Variants in BICC1 observed in about 807,000 individuals in gnomAD.
The protein encoded by BICC1 is protein bicaudal C homolog 1.
BICC1 carries 43 observed loss-of-function variants against 111.0 expected under a neutral mutation model. That is an observed-to-expected ratio of 0.39 (90% confidence interval 0.30 to 0.50). The LOEUF (loss-of-function observed/expected upper bound fraction) is 0.50. Ranked by LOEUF, BICC1 falls within the 20% of genes least tolerant of loss-of-function variation. The pLI is 0.88. For synonymous variants in BICC1, 467 were observed against 434.4 expected (o/e 1.07, Z -0.93); for missense variants, 1,091 against 1,203.2 (o/e 0.91, Z 1.38).
chr10:58,588,745 A>G (rs182298011), intron 1 of BICC1, among the ~76,000 whole-genome samples: 2 of 152,312 alleles, frequency 1.3e-5, no homozygotes, highest in African/African-American at 4.8e-5. Flanking sequence ...TGCTTTGAGT[A>G]TACAAAAATA....
intron 2 of BICC1, among the ~76,000 whole-genome samples, chr10:58,684,774 A>G (rs1443992539): frequency 6.6e-6 from 1 of 151,780 alleles, no homozygotes; most frequent in Non-Finnish European, 1.5e-5. Context: ...CTTCTTTATT[A>G]GTCTTGCCTA....
chr10:58,774,603 A>G (rs1055415843), intron 3 of BICC1, among the ~76,000 whole-genome samples: 1 of 152,184 alleles, frequency 6.6e-6, no homozygotes, highest in Non-Finnish European at 1.5e-5. Flanking sequence ...ATCACTATTA[A>G]TTTGGTTTTC....
At chr10:58,521,442 A>T (rs921308999) in intron 1 of BICC1, among the ~76,000 whole-genome samples, 2 of 152,112 alleles carry the variant, frequency 1.3e-5, no homozygotes, top group East Asian at 3.9e-4. Context: ...TATTATTCTC[A>T]TAGGAAAAAC....
Position 58,828,912 on chromosome 10 carries a change from C to A in BICC1, c.*21C>A. ...GGTAGCAGCACCCTCTTGGCACATG[C>A]CCGCTGACTAACTGTAAAGTGGACA... On this transcript the variant is annotated 3_prime_UTR_variant, in exon 21 of 21. Transcript: ENST00000373886. 6.2e-7 allele frequency: 1 copy of A among 1,612,914 alleles called. No individual in the cohort carries two copies. The highest frequency in any genetic ancestry group is 1.3e-5 in the African/African-American group (1 of 75,000).
At chr10:58,589,230 TC>T (rs1275394313) in intron 1 of BICC1, among the ~76,000 whole-genome samples, 3 of 152,010 alleles carry the variant, frequency 2.0e-5, no homozygotes, top group African/African-American at 7.3e-5. Context: ...CTTTCTCACC[TC>T]CCTACCAGCG....
chr10:58,798,411 C>A lies in BICC1; in HGVS notation c.1379C>A (p.Pro460His). Residue 460 changes from proline to histidine, a missense_variant, in exon 11 of 21, where the codon CCC (proline) becomes CAC (histidine). Around this residue, in one of 3 missense-constraint regions of BICC1, gnomAD observed 843 missense variants for 900.8 expected, o/e 0.94. Transcript: ENST00000373886. ...TCATTTATTACAGGTCTTTTGGGAC[C>A]CACCACCTTATCTCTGAACACTTCA... ...LGLTGLGLLG[P>H]TTLSLNTSTT... is the part of the protein sequence containing the mutation. 6.3e-7 allele frequency: 1 copy of A among 1,580,684 alleles called. No homozygotes were observed. The highest frequency in any genetic ancestry group is 8.6e-7 in the Non-Finnish European group (1 of 1,165,870).
At chr10:58,722,048 T>G (rs1840955204) in intron 3 of BICC1, among the ~76,000 whole-genome samples, 1 of 152,214 alleles carries the variant, frequency 6.6e-6, no homozygotes, top group Admixed American at 6.5e-5. Flanking sequence ...CTTTAGAATT[T>G]CATTCTTTTC....
intron 15 of BICC1, among the ~76,000 whole-genome samples, chr10:58,803,806 T>G (rs115684417): frequency 6.6e-6 from 1 of 152,232 alleles, no homozygotes; most frequent in Non-Finnish European, 1.5e-5. Context: ...GAACTTTCTG[T>G]GTTTCCATTT....
At chr10:58,814,946 AAT>A (rs1328579463) in intron 18 of BICC1, among the ~76,000 whole-genome samples, 1 of 152,184 alleles carries the variant, frequency 6.6e-6, no homozygotes, top group Non-Finnish European at 1.5e-5. Flanking sequence ...AACAGGAAAA[AAT>A]TAACTTATTA....
At chr10:58,577,273 G>A (rs1192730150) in intron 1 of BICC1, among the ~76,000 whole-genome samples, 1 of 152,174 alleles carries the variant, frequency 6.6e-6, no homozygotes, top group Admixed American at 6.5e-5. Context: ...GCTCACAGGG[G>A]TAAAGTATTT....
At chr10:58,777,263 A>C (rs1842772994) in intron 3 of BICC1, among the ~76,000 whole-genome samples, 1 of 152,014 alleles carries the variant, frequency 6.6e-6, no homozygotes, top group South Asian at 2.1e-4. Context: ...CTTAACACAA[A>C]CTGGCATATG....
chr10:58,637,804 A>C (rs2132198812), intron 2 of BICC1, among the ~76,000 whole-genome samples: 1 of 152,330 alleles, frequency 6.6e-6, no homozygotes, highest in African/African-American at 2.4e-5. Flanking sequence ...GTTGAGGATC[A>C]GTATAGGTAC....
At chr10:58,585,044 T>C (rs1245502994) in intron 1 of BICC1, among the ~76,000 whole-genome samples, 1 of 152,234 alleles carries the variant, frequency 6.6e-6, no homozygotes, top group Non-Finnish European at 1.5e-5. Context: ...CAATTATACC[T>C]GGCAAGTGGT....
At chr10:58,791,356 C>T (rs921681122) in intron 8 of BICC1, among the ~76,000 whole-genome samples, 2 of 152,132 alleles carry the variant, frequency 1.3e-5, no homozygotes, top group African/African-American at 2.4e-5. Flanking sequence ...TATTATTGCA[C>T]AACATTGAAA....
Position 58,787,064 on chromosome 10 carries a change from G to T in BICC1, c.529G>T (p.Ala177Ser). 1 of 1,584,510 alleles carries T rather than the reference G, an allele frequency of 6.3e-7. No individual in the cohort carries two copies. Among genetic ancestry groups the T allele is most frequent in the African/African-American group, 1.4e-5 (1 of 72,644 alleles). The stretch of plus-strand genomic sequence containing the variant: ...TCCAGATTCCAACAGGAATAACCAA[G>T]CAGAAAAAAGCAACCAGGTGGTTTG... ...HFPDSNRNNQAEKSNQVSIAG... is the reference protein window; with the variant it reads ...HFPDSNRNNQSEKSNQVSIAG... Residue 177 changes from alanine (A) to serine (S), a missense_variant, in exon 5 of 21, where the codon GCA becomes TCA. Around this residue, in one of 3 missense-constraint regions of BICC1, gnomAD observed 843 missense variants for 900.8 expected, o/e 0.94. Transcript: ENST00000373886.
chr10:58,612,520 G>C (rs1254593190), intron 1 of BICC1, among the ~76,000 whole-genome samples: 1 of 151,724 alleles, frequency 6.6e-6, no homozygotes, highest in Non-Finnish European at 1.5e-5. Context: ...CAAGAATCAG[G>C]CTACCTGAAT....
chr10:58,819,237 G>A (rs1432145784), intron 19 of BICC1, among the ~76,000 whole-genome samples: 2 of 152,122 alleles, frequency 1.3e-5, no homozygotes, highest in African/African-American at 4.8e-5. Context: ...AGAGAAAGCT[G>A]GGGAACACTT....
chr10:58,567,010 T>G (rs911600924), intron 1 of BICC1, among the ~76,000 whole-genome samples: 5 of 152,086 alleles, frequency 3.3e-5, no homozygotes, highest in Admixed American at 2.0e-4. Flanking sequence ...TAAAAAGGTG[T>G]AAAAACCTGA....
chr10:58,766,262 A>G (rs756194968), intron 3 of BICC1, among the ~76,000 whole-genome samples: 13 of 152,152 alleles, frequency 8.5e-5, no homozygotes, highest in African/African-American at 1.2e-4. Flanking sequence ...AGTCTTGGAT[A>G]TAGTGCCATG....
Sources: allele counts gnomAD v4.1 joint callset (sites outside exome capture counted in the v4.1 genomes callset), GRCh38; gene constraint gnomAD v4.1.1; regional missense constraint gnomAD v4.1.1; transcripts MANE v1.5; gene names NCBI Gene and HGNC (gene_info 2026-07-23, HGNC 2026-07-21).